The following EBF1 variants were observed in gnomAD, a reference collection of about 807,000 sequenced individuals.
The protein encoded by EBF1 is EBF transcription factor 1, also known as transcription factor COE1.
Under a neutral mutation model 68.4 loss-of-function variants are expected in EBF1, and 10 were observed. That is an observed-to-expected ratio of 0.15 (90% CI 0.09 to 0.25). EBF1 has a LOEUF of 0.25. Among genes scored for constraint, EBF1 ranks in the 10% least tolerant of loss-of-function variants. The pLI, the probability that EBF1 is intolerant of heterozygous loss-of-function variation, is 1.00. For synonymous variants in EBF1, 298 were observed against 299.8 expected, an observed-to-expected ratio of 0.99 and a Z score of 0.06; for missense variants, 509 against 794.4, an observed-to-expected ratio of 0.64 and a Z score of 4.32.
At chr5:159,075,798 C>T (rs953102965) in intron 5 of EBF1, among the ~76,000 whole-genome samples, 2 of 152,234 alleles carry the variant, frequency 1.3e-5, no homozygotes, top group African/African-American at 2.4e-5. Context: ...CCTTCTGCCC[C>T]CTTCCTCCAA....
chr5:158,772,737 T>C (rs1243450495), intron 10 of EBF1, among the ~76,000 whole-genome samples: 1 of 152,108 alleles, frequency 6.6e-6, no homozygotes, highest in Non-Finnish European at 1.5e-5. Flanking sequence ...ACAAGGATGA[T>C]AAACAATCCA....
At chr5:159,097,651 A>T in intron 1 of EBF1, 1 of 234,574 alleles carries the variant, frequency 4.3e-6, no homozygotes, top group Non-Finnish European at 8.4e-6. Context: ...CGGCCTTGGG[A>T]AGCCACATCC....
chr5:158,888,843 CCTT>C (rs1334000162), intron 6 of EBF1, among the ~76,000 whole-genome samples: 1 of 152,070 alleles, frequency 6.6e-6, no homozygotes, highest in African/African-American at 2.4e-5. Flanking sequence ...TTCTCTTCCT[CCTT>C]CTTCCTCTTC....
In EBF1 at chr5:158,697,980, T is replaced by G. The variant is rs1166254996; in HGVS notation, c.*1131A>C. The G allele has an allele frequency of 1.4e-5, 3 of 211,266 alleles. No individual in the cohort carries two copies. The highest frequency in any genetic ancestry group is 2.9e-5 in the Non-Finnish European group (3 of 104,280). 13.1% of individuals were successfully genotyped at this position (211,266 alleles called of 1,614,324 possible). A position where few individuals can be genotyped will look rare whatever the true frequency, so the allele number is the denominator to read the frequency against. On this transcript the variant is annotated 3_prime_UTR_variant, in exon 16 of 16. Transcript: ENST00000313708. Reference sequence around the variant, plus strand: ...TTCTCCACCCCCGGTTCCCTTTAACTCTTAATTCCAAAGCACTTAACCTGT... The same window carrying G: ...TTCTCCACCCCCGGTTCCCTTTAACGCTTAATTCCAAAGCACTTAACCTGT...
At chr5:158,820,085 C>G (rs1412092182) in intron 8 of EBF1, among the ~76,000 whole-genome samples, 1 of 152,052 alleles carries the variant, frequency 6.6e-6, no homozygotes, top group African/African-American at 2.4e-5. Flanking sequence ...CAAAAGGAAA[C>G]TTCCTCCAAC....
chr5:158,740,865 A>G (rs541055197), intron 10 of EBF1, among the ~76,000 whole-genome samples: 3 of 152,276 alleles, frequency 2.0e-5, no homozygotes, highest in East Asian at 1.9e-4. Context: ...TTTATTGTCT[A>G]CTACTTCAGA....
intron 6 of EBF1, among the ~76,000 whole-genome samples, chr5:158,888,174 C>A (rs1298981770): frequency 6.6e-6 from 1 of 152,118 alleles, no homozygotes; most frequent in Non-Finnish European, 1.5e-5. Flanking sequence ...TGACAGTTAC[C>A]ACCACTAAGT....
intron 6 of EBF1, among the ~76,000 whole-genome samples, chr5:158,969,924 A>AGGAAAG (rs1561664441): frequency 8.6e-6 from 1 of 115,938 alleles, no homozygotes; most frequent in African/African-American, 3.0e-5. Context: ...AAGAAAAAAA[A>AGGAAAG]AAAAAAGGCT....
intron 6 of EBF1, among the ~76,000 whole-genome samples, chr5:159,006,847 G>C (rs1460391921): frequency 6.6e-6 from 1 of 152,082 alleles, no homozygotes; most frequent in Non-Finnish European, 1.5e-5. Flanking sequence ...GTTAACAGAA[G>C]GTTTCTGTCT....
At chr5:158,986,648 G>A (rs1172684843) in intron 6 of EBF1, among the ~76,000 whole-genome samples, 1 of 152,212 alleles carries the variant, frequency 6.6e-6, no homozygotes, top group African/African-American at 2.4e-5. Flanking sequence ...ATGCATCTGA[G>A]GACCAAATTA....
chr5:158,736,896 C>T (rs1265044340), intron 10 of EBF1, among the ~76,000 whole-genome samples: 3 of 152,140 alleles, frequency 2.0e-5, no homozygotes, highest in Non-Finnish European at 2.9e-5. Flanking sequence ...CTGAACAAGG[C>T]CAGAAATATT....
intron 6 of EBF1, among the ~76,000 whole-genome samples, chr5:158,860,766 G>A (rs1794828253): frequency 6.6e-6 from 1 of 152,146 alleles, no homozygotes; most frequent in Non-Finnish European, 1.5e-5. Flanking sequence ...CAAGCCCATG[G>A]CGCATCTTGC....
chr5:158,840,645 G>GTTTTTTTTTTTTTTTTTTT lies in EBF1; in HGVS notation c.555-554_555-536dup, dbSNP rs534374216. ...TCCTTTGACTTCTCAAATACCTCCTGTTTTTTTTTTTTTTTTTTTTTTTTT... is the reference window on the plus strand; with the variant it reads ...TCCTTTGACTTCTCAAATACCTCCTGTTTTTTTTTTTTTTTTTTTTTTTTTTTTTTTTTTTTTTTTTTTT... On this transcript the variant is annotated intron_variant, in intron 6 of 15. Coordinates refer to ENST00000313708, the MANE Select transcript of EBF1 (RefSeq NM_024007.5). 2.3e-4 allele frequency among the ~76,000 whole-genome samples: 15 copies of GTTTTTTTTTTTTTTTTTTT among 64,812 alleles called. 1 individual carries two copies. Among genetic ancestry groups the GTTTTTTTTTTTTTTTTTTT allele is most frequent in the Admixed American group, 5.1e-4 (2 of 3,924 alleles). 42.5% of individuals were successfully genotyped at this position (64,812 alleles called of 152,430 possible).
At chr5:158,946,502 A>G (rs1316782121) in intron 6 of EBF1, among the ~76,000 whole-genome samples, 1 of 152,132 alleles carries the variant, frequency 6.6e-6, no homozygotes, top group Non-Finnish European at 1.5e-5. Context: ...TTGCCTAGGT[A>G]TCACCAGCGG....
At chr5:158,751,066 G>T (rs1004588138) in intron 10 of EBF1, among the ~76,000 whole-genome samples, 1 of 152,088 alleles carries the variant, frequency 6.6e-6, no homozygotes, top group Non-Finnish European at 1.5e-5. Flanking sequence ...AACTGTGTGT[G>T]TGTAAACACA....
At chr5:158,929,969 G>A (rs1810488308) in intron 6 of EBF1, among the ~76,000 whole-genome samples, 2 of 152,162 alleles carry the variant, frequency 1.3e-5, no homozygotes, top group Non-Finnish European at 2.9e-5. Context: ...AAAGTCAAGA[G>A]CAGGAAGTTT....
At chr5:158,840,893 G>T (rs942129256) in intron 6 of EBF1, among the ~76,000 whole-genome samples, 6 of 151,176 alleles carry the variant, frequency 4.0e-5, no homozygotes, top group Non-Finnish European at 8.8e-5. Context: ...GGATGGTCTC[G>T]ATCTCCTGAC....
At chr5:158,788,164 T>A (rs1777840184) in intron 9 of EBF1, among the ~76,000 whole-genome samples, 1 of 152,176 alleles carries the variant, frequency 6.6e-6, no homozygotes, top group Admixed American at 6.5e-5. Flanking sequence ...GAAGAGGGAA[T>A]GCCCTTAAAT....
At chr5:158,795,567 A>G (rs1779467658) in intron 9 of EBF1, among the ~76,000 whole-genome samples, 1 of 152,210 alleles carries the variant, frequency 6.6e-6, no homozygotes, top group Admixed American at 6.5e-5. Flanking sequence ...GAAGTGAAAG[A>G]GAGAGTGCTC....
Sources: gnomAD v4.1 joint callset for allele counts (sites outside exome capture counted in the v4.1 genomes callset) on GRCh38, gnomAD v4.1.1 for gene constraint, MANE v1.5 for transcripts, NCBI Gene and HGNC (gene_info 2026-07-23, HGNC 2026-07-21) for gene names.